The following C1orf74 variants were observed in gnomAD, a reference collection of about 807,000 sequenced individuals.
C1orf74 encodes the protein chromosome 1 open reading frame 74.
A neutral mutation model predicts 7.3 loss-of-function variants in C1orf74; 5 were observed. The ratio of observed to expected loss-of-function variants is 0.68; its 90% CI spans 0.36 to 1.44. C1orf74 has a LOEUF of 1.44. Among genes scored for constraint, C1orf74 ranks in the 40% most tolerant of loss-of-function variants. C1orf74 has a pLI of 0.04. For synonymous variants in C1orf74, 121 were observed against 132.5 expected, an observed-to-expected ratio of 0.91 and a Z score of 0.59; for missense variants, 291 against 314.3, an observed-to-expected ratio of 0.93 and a Z score of 0.56.
rs1008504437 is a variant in C1orf74 at position 209,782,383 on chromosome 1, T to C, written c.*442A>G. Reference sequence around the variant, plus strand: ...ACAAGTATCACATATTTAAGCATACTGGTGGTCTACTCTCCTCAAATTCAG... The same window carrying C: ...ACAAGTATCACATATTTAAGCATACCGGTGGTCTACTCTCCTCAAATTCAG... On this transcript the variant is annotated 3_prime_UTR_variant, in exon 2 of 2. Coordinates refer to ENST00000294811, the MANE Select transcript of C1orf74 (RefSeq NM_152485.4). 1 of 525,436 alleles carries C rather than the reference T, an allele frequency of 1.9e-6. No individual in the cohort carries two copies. Among genetic ancestry groups the C allele is most frequent in the African/African-American group, 1.9e-5 (1 of 52,274 alleles). The allele number at this position is 525,436 out of a possible 1,614,324, so 32.5% of individuals were successfully genotyped here.
At position 209,781,211 on chromosome 1, in the gene C1orf74, C is replaced by T. The variant is rs2077770845; in HGVS notation, c.*1614G>A. The T allele has an allele frequency of 1.7e-6, 1 of 577,854 alleles. No homozygotes were observed. Among genetic ancestry groups the T allele is most frequent in the Non-Finnish European group, 3.2e-6 (1 of 315,262 alleles). The allele number at this position is 577,854 out of a possible 1,614,324, so 35.8% of individuals were successfully genotyped here. A position where few individuals can be genotyped will look rare whatever the true frequency, so the allele number is the denominator to read the frequency against. ...AGACAGTCAAAAGACAAACTCAAAT[C>T]CCTGAGAATGGCTGGGAAGGGAAGA... On this transcript the variant is annotated 3_prime_UTR_variant, in exon 2 of 2. Coordinates refer to ENST00000294811, the MANE Select transcript of C1orf74 (RefSeq NM_152485.4).
Position 209,779,394 on chromosome 1 carries a change from C to T in C1orf74, c.*3431G>A, listed in dbSNP as rs144368205. On this transcript the variant is annotated 3_prime_UTR_variant, in exon 2 of 2. Transcript: ENST00000294811. The stretch of plus-strand genomic sequence containing the variant: ...AGAAAGGTCAGCAAATTTATTACCA[C>T]AAATTCTAAGATATTGCTCTTCTCT... 8.5e-5 allele frequency: 136 copies of T among 1,606,138 alleles called. No homozygotes were observed. The highest frequency in any genetic ancestry group is 2.0e-4 in the Admixed American group (12 of 60,000).
chr1:209,781,699 T>C lies in C1orf74; in HGVS notation c.*1126A>G, dbSNP rs934801589. 4.1e-6 allele frequency: 2 copies of C among 492,852 alleles called. No individual in the cohort carries two copies. Among genetic ancestry groups the C allele is most frequent in the South Asian group, 2.4e-5 (1 of 41,074 alleles). The allele number at this position is 492,852 out of a possible 1,614,324, so 30.5% of individuals were successfully genotyped here. A position where few individuals can be genotyped will look rare whatever the true frequency, so the allele number is the denominator to read the frequency against. ...GAAAGACTTACTCTTAGCTAAAGTA[T>C]GAAAGGGTGTTCTTTTAGCCGATGA... On this transcript the variant is annotated 3_prime_UTR_variant, in exon 2 of 2. Coordinates refer to ENST00000294811, the MANE Select transcript of C1orf74 (RefSeq NM_152485.4).
At position 209,782,780 on chromosome 1, in the gene C1orf74, GA is replaced by G. The variant is rs1338567269; in HGVS notation, c.*44del. ...GATTATTTGCCATCCCCAACCTAGA[GA>G]TGATCATTTACTGAGTACCTTCTAT... On this transcript the variant is annotated 3_prime_UTR_variant, in exon 2 of 2. Coordinates refer to ENST00000294811, the MANE Select transcript of C1orf74 (RefSeq NM_152485.4). 1 of 1,570,770 alleles carries G rather than the reference GA, an allele frequency of 6.4e-7. No individual in the cohort carries two copies. The highest frequency in any genetic ancestry group is 1.3e-5 in the African/African-American group (1 of 74,098).
chr1:209,781,845 C>T lies in C1orf74; in HGVS notation c.*980G>A. The T allele has an allele frequency of 1.8e-6, 1 of 571,298 alleles. No homozygotes were observed. Among genetic ancestry groups the T allele is most frequent in the Non-Finnish European group, 3.1e-6 (1 of 319,036 alleles). The allele number at this position is 571,298 out of a possible 1,614,324, so 35.4% of individuals were successfully genotyped here. A position where few individuals can be genotyped will look rare whatever the true frequency, so the allele number is the denominator to read the frequency against. ...ATATCAGTATTTATATATCTGGTCC[C>T]TGATGGATACGGCTCCCTGGGCCAG... On this transcript the variant is annotated 3_prime_UTR_variant, in exon 2 of 2. Transcript: ENST00000294811.
chr1:209,782,382 C>A lies in C1orf74; in HGVS notation c.*443G>T. 1.9e-6 allele frequency: 1 copy of A among 525,746 alleles called. No homozygotes were observed. The highest frequency in any genetic ancestry group is 3.4e-6 in the Non-Finnish European group (1 of 292,138). The allele number at this position is 525,746 out of a possible 1,614,324, so 32.6% of individuals were successfully genotyped here. A position where few individuals can be genotyped will look rare whatever the true frequency, so the allele number is the denominator to read the frequency against. ...AACAAGTATCACATATTTAAGCATA[C>A]TGGTGGTCTACTCTCCTCAAATTCA... On this transcript the variant is annotated 3_prime_UTR_variant, in exon 2 of 2. Transcript: ENST00000294811.
At position 209,779,289 on chromosome 1, in the gene C1orf74, G is replaced by A. The variant is rs1472174851; in HGVS notation, c.*3536C>T. 5 of 1,609,010 alleles carry A rather than the reference G, an allele frequency of 3.1e-6. No individual in the cohort carries two copies. The South Asian group carries it at 5.5e-5, about 18-fold the overall frequency. On this transcript the variant is annotated 3_prime_UTR_variant, in exon 2 of 2. Transcript: ENST00000294811. ...TTTTTGTAGTAAATATGCTAGCATA[G>A]ACAAGTTCCTTGTGTTTTCCAACAG...
chr1:209,783,884 CGT>C (rs2077815114), intron 1 of C1orf74, among the ~76,000 whole-genome samples, 175 bp from the exon 2 acceptor site: 1 of 152,090 alleles, frequency 6.6e-6, no homozygotes, highest in Non-Finnish European at 1.5e-5. Flanking sequence ...ATCATAAATT[CGT>C]GTGTTTTTCT....
chr1:209,780,665 A>C lies in C1orf74; in HGVS notation c.*2160T>G. On this transcript the variant is annotated 3_prime_UTR_variant, in exon 2 of 2. Coordinates refer to ENST00000294811, the MANE Select transcript of C1orf74 (RefSeq NM_152485.4). Reference sequence around the variant, plus strand: ...TTGCGAAATAGCAGAGAAACCTGGGAGGCAGTCAAAAAGCAGGGATTTCAA... The same window carrying C: ...TTGCGAAATAGCAGAGAAACCTGGGCGGCAGTCAAAAAGCAGGGATTTCAA... 1.3e-5 allele frequency: 18 copies of C among 1,427,470 alleles called. No individual in the cohort carries two copies. The highest frequency in any genetic ancestry group is 1.6e-5 in the Non-Finnish European group (17 of 1,075,270). The allele number at this position is 1,427,470 out of a possible 1,614,324, so 88.4% of individuals were successfully genotyped here.
Position 209,782,380 on chromosome 1 carries a change from T to C in C1orf74, c.*445A>G, listed in dbSNP as rs2077800168. 7.6e-6 allele frequency: 4 copies of C among 528,002 alleles called. No homozygotes were observed. Among genetic ancestry groups the C allele is most frequent in the African/African-American group, 1.9e-5 (1 of 52,308 alleles). The allele number at this position is 528,002 out of a possible 1,614,324, so 32.7% of individuals were successfully genotyped here. On this transcript the variant is annotated 3_prime_UTR_variant, in exon 2 of 2. Coordinates refer to ENST00000294811, the MANE Select transcript of C1orf74 (RefSeq NM_152485.4). ...TTAACAAGTATCACATATTTAAGCA[T>C]ACTGGTGGTCTACTCTCCTCAAATT... is the stretch of plus-strand genomic sequence containing the variant.
Position 209,781,445 on chromosome 1 carries a change from A to G in C1orf74, c.*1380T>C. On this transcript the variant is annotated 3_prime_UTR_variant, in exon 2 of 2. Transcript: ENST00000294811. ...CGAGAAGAGCTGAACCAGAGCCAGC[A>G]GCTGCCTCCCAGAGTAAGAGGGTCT... is the stretch of plus-strand genomic sequence containing the variant. 1.2e-6 allele frequency: 2 copies of G among 1,613,026 alleles called. No individual in the cohort carries two copies. The highest frequency in any genetic ancestry group is 1.3e-5 in the African/African-American group (1 of 75,044).
chr1:209,782,139 G>C lies in C1orf74; in HGVS notation c.*686C>G. 6.2e-7 allele frequency: 1 copy of C among 1,613,698 alleles called. No individual in the cohort carries two copies. Among genetic ancestry groups the C allele is most frequent in the Non-Finnish European group, 8.5e-7 (1 of 1,179,594 alleles). Reference sequence around the variant, plus strand: ...TGTTCCTGGCCAATAAAGACAACCTGATGATCTGAATAATTTGTGACAACT... The same window carrying C: ...TGTTCCTGGCCAATAAAGACAACCTCATGATCTGAATAATTTGTGACAACT... On this transcript the variant is annotated 3_prime_UTR_variant, in exon 2 of 2. Transcript: ENST00000294811.
chr1:209,782,197 G>A lies in C1orf74; in HGVS notation c.*628C>T, dbSNP rs747546306. ...GTGAAAATCAGAAGCAAGCAACTCA[G>A]CGAAAAACTCAGAAGGTTTGGGTAC... On this transcript the variant is annotated 3_prime_UTR_variant, in exon 2 of 2. Coordinates refer to ENST00000294811, the MANE Select transcript of C1orf74 (RefSeq NM_152485.4). The A allele has an allele frequency of 1.9e-5, 28 of 1,491,310 alleles. No homozygotes were observed. Among genetic ancestry groups the A allele is most frequent in the Non-Finnish European group, 2.6e-5 (28 of 1,068,062 alleles). 92.4% of individuals were successfully genotyped at this position (1,491,310 alleles called of 1,614,324 possible). A position where few individuals can be genotyped will look rare whatever the true frequency, so the allele number is the denominator to read the frequency against.
rs372222220 is a variant in C1orf74 at position 209,782,198 on chromosome 1, C to T, written c.*627G>A. 193 of 1,479,890 alleles carry T rather than the reference C, an allele frequency of 1.3e-4. No individual in the cohort carries two copies. The highest frequency in any genetic ancestry group is 7.9e-4 in the Admixed American group (47 of 59,776). 91.7% of individuals were successfully genotyped at this position (1,479,890 alleles called of 1,614,324 possible). A position where few individuals can be genotyped will look rare whatever the true frequency, so the allele number is the denominator to read the frequency against. On this transcript the variant is annotated 3_prime_UTR_variant, in exon 2 of 2. Coordinates refer to ENST00000294811, the MANE Select transcript of C1orf74 (RefSeq NM_152485.4). The stretch of plus-strand genomic sequence containing the variant: ...TGAAAATCAGAAGCAAGCAACTCAG[C>T]GAAAAACTCAGAAGGTTTGGGTACA...
Position 209,783,260 on chromosome 1 carries a change from AGAAG to A in C1orf74, c.371_374del (p.Pro124LeufsTer11). 1 of 1,614,206 alleles carries A rather than the reference AGAAG, an allele frequency of 6.2e-7. No homozygotes were observed. Among genetic ancestry groups the A allele is most frequent in the Non-Finnish European group, 8.5e-7 (1 of 1,180,028 alleles). On this transcript the variant is annotated frameshift_variant, in exon 2 of 2. Coordinates refer to ENST00000294811, the MANE Select transcript of C1orf74 (RefSeq NM_152485.4). LOFTEE classifies it high-confidence loss of function. Reference sequence around the variant, plus strand: ...CCTGAAGCTGGTCCAGGGAGCAGACAGAAGGGTGACGCTGGCAGCTGGAAACATC... The same window carrying A: ...CCTGAAGCTGGTCCAGGGAGCAGACAGGTGACGCTGGCAGCTGGAAACATC...
At position 209,783,577 on chromosome 1, in the gene C1orf74, G is replaced by A; in HGVS notation, c.58C>T (p.Gln20Ter). 1.2e-6 allele frequency: 2 copies of A among 1,612,528 alleles called. No homozygotes were observed. The highest frequency in any genetic ancestry group is 2.2e-5 in the East Asian group (1 of 44,860). The change falls in exon 2 of 2, where the codon CAG (glutamine) becomes TAG (stop). Residue 20 changes from glutamine to a stop codon, truncating the protein, a stop_gained. Transcript: ENST00000294811. LOFTEE classifies it low-confidence loss of function (END_TRUNC). ...PSPQLLVAAA[Q>*]QTLGMGKRRS... ...CTCTTTCCCATGCCAAGGGTCTGCT[G>A]AGCAGCTGCCACCAGCAGCTGAGGG...
At position 209,782,130 on chromosome 1, in the gene C1orf74, A is replaced by T. The variant is rs1291000324; in HGVS notation, c.*695T>A. 2 of 1,614,054 alleles carry T rather than the reference A, an allele frequency of 1.2e-6. No homozygotes were observed. Among genetic ancestry groups the T allele is most frequent in the Admixed American group, 3.3e-5 (2 of 60,022 alleles). On this transcript the variant is annotated 3_prime_UTR_variant, in exon 2 of 2. Coordinates refer to ENST00000294811, the MANE Select transcript of C1orf74 (RefSeq NM_152485.4). ...CACTGGCAGTGTTCCTGGCCAATAAAGACAACCTGATGATCTGAATAATTT... is the reference window on the plus strand; with the variant it reads ...CACTGGCAGTGTTCCTGGCCAATAATGACAACCTGATGATCTGAATAATTT...
At position 209,781,941 on chromosome 1, in the gene C1orf74, C is replaced by T; in HGVS notation, c.*884G>A. The stretch of plus-strand genomic sequence containing the variant: ...GGAGACAGAGTAAAAAGCTTTTTCT[C>T]CACCACCAACCCAGCGTTTTCCACT... On this transcript the variant is annotated 3_prime_UTR_variant, in exon 2 of 2. Transcript: ENST00000294811. 2 of 797,574 alleles carry T rather than the reference C, an allele frequency of 2.5e-6. No individual in the cohort carries two copies. The highest frequency in any genetic ancestry group is 2.6e-5 in the East Asian group (1 of 38,700). 49.4% of individuals were successfully genotyped at this position (797,574 alleles called of 1,614,324 possible). A position where few individuals can be genotyped will look rare whatever the true frequency, so the allele number is the denominator to read the frequency against.
Position 209,779,779 on chromosome 1 carries a change from T to G in C1orf74, c.*3046A>C. The G allele has an allele frequency of 6.2e-6, 3 of 481,340 alleles. No homozygotes were observed. Among genetic ancestry groups the G allele is most frequent in the Admixed American group, 7.7e-5 (2 of 26,062 alleles). 29.8% of individuals were successfully genotyped at this position (481,340 alleles called of 1,614,324 possible). A position where few individuals can be genotyped will look rare whatever the true frequency, so the allele number is the denominator to read the frequency against. On this transcript the variant is annotated 3_prime_UTR_variant, in exon 2 of 2. Transcript: ENST00000294811. ...TAGAGAGTCTACTGTCCATGTTTCC[T>G]GAGAATTCACTGTGTATACAGAGGG...
Sources: gnomAD v4.1 joint callset for allele counts (sites outside exome capture counted in the v4.1 genomes callset) on GRCh38, gnomAD v4.1.1 for gene constraint, MANE v1.5 for transcripts, NCBI Gene and HGNC (gene_info 2026-07-23, HGNC 2026-07-21) for gene names.